Variants in DOCK4 observed in about 807,000 individuals in gnomAD.
DOCK4 encodes dedicator of cytokinesis 4, also known as dedicator of cytokinesis protein 4.
In DOCK4, 97 loss-of-function variants were observed where a neutral mutation model predicts 268.1. The ratio of observed to expected loss-of-function variants is 0.36; its 90% CI spans 0.31 to 0.43. DOCK4 has a LOEUF of 0.43. Ranked by LOEUF, DOCK4 falls within the 20% of genes least tolerant of loss-of-function variation. DOCK4 has a pLI of 1.00. For synonymous variants in DOCK4, 954 were observed against 887.2 expected (o/e 1.08, Z -1.34); for missense variants, 2,145 against 2,455.7 (o/e 0.87, Z 2.67).
intron 16 of DOCK4, among the ~76,000 whole-genome samples, chr7:111,894,786 G>T (rs1251402468): frequency 6.6e-6 from 1 of 152,186 alleles, no homozygotes; most frequent in Non-Finnish European, 1.5e-5. Context: ...TGAGATGCCT[G>T]GGATTTATTC....
At chr7:112,154,342 A>C (rs971638364) in intron 1 of DOCK4, among the ~76,000 whole-genome samples, 1 of 152,204 alleles carries the variant, frequency 6.6e-6, no homozygotes, top group Non-Finnish European at 1.5e-5. Flanking sequence ...AAGAAAGCAT[A>C]GGTCTGAGAA....
In DOCK4 at chr7:111,727,773, T is replaced by C. The variant is rs949355820; in HGVS notation, c.*501A>G. 1 of 152,526 alleles carries C rather than the reference T, an allele frequency of 6.6e-6. No homozygotes were observed. The highest frequency in any genetic ancestry group is 1.5e-5 in the Non-Finnish European group (1 of 68,260). 9.4% of individuals were successfully genotyped at this position (152,526 alleles called of 1,614,324 possible). ...AAGCTTTGCAACCCCTTAAGTATAC[T>C]GTCTTGCTCGCCTGCTTGAACTTTA... On this transcript the variant is annotated 3_prime_UTR_variant, in exon 53 of 53. Coordinates refer to ENST00000428084, the MANE Select transcript of DOCK4 (RefSeq NM_001363540.2).
chr7:112,138,377 T>A (rs1319633924), intron 1 of DOCK4, among the ~76,000 whole-genome samples: 1 of 152,212 alleles, frequency 6.6e-6, no homozygotes, highest in Non-Finnish European at 1.5e-5. Flanking sequence ...ACATATGGTA[T>A]GGGAGGACAA....
chr7:112,000,285 T>C (rs1319854066), intron 3 of DOCK4, among the ~76,000 whole-genome samples: 1 of 152,138 alleles, frequency 6.6e-6, no homozygotes, highest in African/African-American at 2.4e-5. Context: ...CTCAGTACAA[T>C]TTTCAAGAGC....
At chr7:111,944,993 G>T in intron 9 of DOCK4, 122 bp from the exon 10 acceptor site, 1 of 777,464 alleles carries the variant, frequency 1.3e-6, no homozygotes, top group Non-Finnish European at 2.2e-6. Context: ...TGGAATGTTT[G>T]TAGCAGAAGT....
chr7:111,769,444 G>C, intron 37 of DOCK4, 85 bp downstream of exon 37: 1 of 1,508,184 alleles, frequency 6.6e-7, no homozygotes, highest in Non-Finnish European at 9.1e-7. Context: ...TAAGGAGGTG[G>C]GCATTCATAA....
At chr7:112,086,617 G>C (rs967275580) in intron 1 of DOCK4, among the ~76,000 whole-genome samples, 1 of 152,050 alleles carries the variant, frequency 6.6e-6, no homozygotes, top group Admixed American at 6.6e-5. Context: ...GCAAATGTTG[G>C]TTTCCCATTA....
chr7:112,083,136 T>A (rs1213633538), intron 1 of DOCK4, among the ~76,000 whole-genome samples: 1 of 152,144 alleles, frequency 6.6e-6, no homozygotes, highest in East Asian at 1.9e-4. Context: ...CCTTTATCCA[T>A]AAATTGCACT....
intron 47 of DOCK4, chr7:111,740,131 G>T: frequency 2.3e-6 from 1 of 439,260 alleles, no homozygotes; most frequent in Non-Finnish European, 4.5e-6. Flanking sequence ...ACACAGTCTC[G>T]CTTTGTTGCC....
At chr7:112,142,591 G>A (rs1186331930) in intron 1 of DOCK4, among the ~76,000 whole-genome samples, 1 of 152,066 alleles carries the variant, frequency 6.6e-6, no homozygotes, top group Non-Finnish European at 1.5e-5. Flanking sequence ...TTTAGTCCTT[G>A]AATAGGTTTA....
At chr7:111,885,383 A>AT (rs765186657) in intron 16 of DOCK4, among the ~76,000 whole-genome samples, 1 of 152,240 alleles carries the variant, frequency 6.6e-6, no homozygotes, top group African/African-American at 2.4e-5. Flanking sequence ...CATAGAGAAT[A>AT]TTTTTTCTAC....
At chr7:111,795,025 A>AT (rs750023628) in intron 30 of DOCK4, among the ~76,000 whole-genome samples, 26 of 152,048 alleles carry the variant, frequency 1.7e-4, no homozygotes, top group East Asian at 7.7e-4. Context: ...AGGAAGAGGG[A>AT]TTTTTTTTAT....
Position 111,834,642 on chromosome 7 carries a change from T to A in DOCK4, c.2781A>T (p.Thr927=). 6.4e-7 allele frequency: 1 copy of A among 1,557,546 alleles called. No individual in the cohort carries two copies. Reference sequence around the variant, plus strand: ...CAAGAAGCTGTTGATAATGTCTATCTGTCATTTGTCGTAATAGGGACAGGA... The same window carrying A: ...CAAGAAGCTGTTGATAATGTCTATCAGTCATTTGTCGTAATAGGGACAGGA... ...ACLLSLLRQM[T]DRHYQQLLDS... is the part of the protein sequence containing the mutation. The change falls in exon 26 of 53, where the codon ACA becomes ACT. Residue 927 remains threonine, a synonymous_variant. Transcript: ENST00000428084.
chr7:111,925,845 T>C (rs771306046), intron 12 of DOCK4, among the ~76,000 whole-genome samples: 21 of 151,996 alleles, frequency 1.4e-4, no homozygotes, highest in Admixed American at 6.6e-5. Context: ...CCCAGGACTT[T>C]GGGAGGGCAA....
At chr7:111,759,168 A>G (rs1410912786) in intron 40 of DOCK4, among the ~76,000 whole-genome samples, 1 of 152,210 alleles carries the variant, frequency 6.6e-6, no homozygotes, top group African/African-American at 2.4e-5. Context: ...GACATCTATT[A>G]GTCTGTGCAT....
intron 11 of DOCK4, 144 bp from the exon 12 acceptor site, chr7:111,935,772 T>G (rs1794695400): frequency 1.5e-6 from 1 of 679,838 alleles, no homozygotes; most frequent in Admixed American, 2.8e-5. Context: ...TGACTGTCAG[T>G]TTTAGCATGG....
Position 111,736,949 on chromosome 7 carries a change from C to G in DOCK4, c.5273G>C (p.Arg1758Pro). 6.2e-7 allele frequency: 1 copy of G among 1,604,708 alleles called. No homozygotes were observed. Among genetic ancestry groups the G allele is most frequent in the Non-Finnish European group, 8.5e-7 (1 of 1,175,598 alleles). Residue 1758 changes from arginine (R) to proline (P), a missense_variant, in exon 50 of 53, where the codon CGC (arginine) becomes CCC (proline). Coordinates refer to ENST00000428084, the MANE Select transcript of DOCK4 (RefSeq NM_001363540.2). ...AGGTGCAGAGAGATTTGGGTCACTG[C>G]GTGGCAAGGCCCCGTCTCCAATATG... ...FNHIGDGALPRSDPNLSAPEK... is the reference protein window; with the variant it reads ...FNHIGDGALPPSDPNLSAPEK...
intron 1 of DOCK4, among the ~76,000 whole-genome samples, chr7:112,159,865 T>C (rs1816946388): frequency 6.9e-6 from 1 of 144,642 alleles, no homozygotes; most frequent in African/African-American, 2.7e-5. Context: ...ATAATGTATA[T>C]ACATATACAC....
intron 41 of DOCK4, among the ~76,000 whole-genome samples, chr7:111,755,964 TC>T (rs1386965829): frequency 6.6e-6 from 1 of 152,190 alleles, no homozygotes; most frequent in Non-Finnish European, 1.5e-5. Context: ...GGTCAGCCAG[TC>T]AATGTATCAG....
Sources: allele counts gnomAD v4.1 joint callset (sites outside exome capture counted in the v4.1 genomes callset), GRCh38; gene constraint gnomAD v4.1.1; transcripts MANE v1.5; gene names NCBI Gene and HGNC (gene_info 2026-07-23, HGNC 2026-07-21).